The following CCNY variants were observed in gnomAD, a reference collection of about 807,000 sequenced individuals.
The protein encoded by CCNY is cyclin Y.
CCNY carries 19 observed loss-of-function variants against 42.8 expected under a neutral mutation model. The observed-to-expected ratio is 0.44, with a 90% CI of 0.31 to 0.65. The LOEUF (loss-of-function observed/expected upper bound fraction) is 0.65. CCNY is among the 30% of genes least tolerant of loss of function. The probability of loss-of-function intolerance (pLI) is 0.07; values close to 1 mark genes in which losing one functional copy is unlikely to be tolerated. For missense variants in CCNY, 370 were observed against 437.3 expected (o/e 0.85, Z 1.37); for synonymous variants, 165 against 162.7 (o/e 1.01, Z -0.11).
At chr10:35,413,901 G>A (rs759302407) in intron 1 of CCNY, among the ~76,000 whole-genome samples, 1 of 152,138 alleles carries the variant, frequency 6.6e-6, no homozygotes. Context: ...GACATGCATC[G>A]GGCACGTCGC....
At chr10:35,302,979 T>C (rs1421589267) in intron 3 of CCNY, among the ~76,000 whole-genome samples, 1 of 152,136 alleles carries the variant, frequency 6.6e-6, no homozygotes, top group Non-Finnish European at 1.5e-5. Context: ...GAAGATTGCT[T>C]GAGGTCAGGA....
At chr10:35,335,502 G>C (rs753422842), upstream of CCNY, among the ~76,000 whole-genome samples, 19 of 151,908 alleles carry the variant, frequency 1.3e-4, no homozygotes, top group African/African-American at 4.4e-4. Flanking sequence ...TCAAGTCCTC[G>C]GCAAAGCTCA....
intron 1 of CCNY, among the ~76,000 whole-genome samples, chr10:35,482,487 T>A (rs1354257777): frequency 6.6e-6 from 1 of 152,230 alleles, no homozygotes; most frequent in Non-Finnish European, 1.5e-5. Context: ...TGTGATGGCA[T>A]TCTAAGTTGT....
intron 7 of CCNY, among the ~76,000 whole-genome samples, chr10:35,543,375 C>T (rs1841044795): frequency 6.6e-6 from 1 of 152,174 alleles, no homozygotes. Context: ...CAGTTGATCC[C>T]CCAGCAATGA....
intron 1 of CCNY, among the ~76,000 whole-genome samples, chr10:35,430,947 T>C (rs1178693286): frequency 6.6e-6 from 1 of 151,868 alleles, no homozygotes; most frequent in Non-Finnish European, 1.5e-5. Flanking sequence ...TGAAACCCCA[T>C]CTCTACTAAA....
At chr10:35,406,303 A>C (rs926155487) in intron 1 of CCNY, among the ~76,000 whole-genome samples, 2 of 149,940 alleles carry the variant, frequency 1.3e-5, no homozygotes, top group African/African-American at 4.9e-5. Context: ...GTCACAGGAC[A>C]ATAGTGGAGG....
chr10:35,309,173 T>C (rs1444915247), intron 3 of CCNY, among the ~76,000 whole-genome samples: 1 of 151,614 alleles, frequency 6.6e-6, no homozygotes, highest in Non-Finnish European at 1.5e-5. Context: ...ACGGCTAAAG[T>C]AAGGAAAAGT....
intron 1 of CCNY, among the ~76,000 whole-genome samples, chr10:35,247,376 T>A (rs1031235043): frequency 2.0e-5 from 3 of 150,826 alleles, no homozygotes; most frequent in African/African-American, 7.3e-5. Context: ...GGAGAATCAC[T>A]GGAGCCCAGC....
At chr10:35,378,720 G>A (rs763736151) in intron 1 of CCNY, among the ~76,000 whole-genome samples, 5 of 152,092 alleles carry the variant, frequency 3.3e-5, no homozygotes, top group African/African-American at 1.2e-4. Context: ...ATCCTGCCCC[G>A]TTCGATCCTT....
intron 7 of CCNY, among the ~76,000 whole-genome samples, chr10:35,536,686 G>T (rs1437284811): frequency 1.3e-5 from 2 of 152,178 alleles, no homozygotes; most frequent in Non-Finnish European, 2.9e-5. Context: ...GTGGCATTTT[G>T]TCCCTGCAGT....
intron 1 of CCNY, among the ~76,000 whole-genome samples, chr10:35,395,291 G>A (rs1837499488): frequency 6.6e-6 from 1 of 152,204 alleles, no homozygotes; most frequent in African/African-American, 2.4e-5. Flanking sequence ...AGTAGTTAAG[G>A]TGGTGAAAAC....
At chr10:35,473,885 CG>C (rs1839443344) in intron 1 of CCNY, among the ~76,000 whole-genome samples, 2 of 152,114 alleles carry the variant, frequency 1.3e-5, no homozygotes, top group Admixed American at 6.5e-5. Context: ...TCTGAGGTAC[CG>C]GGTTCATCTC....
intron 1 of CCNY, among the ~76,000 whole-genome samples, chr10:35,398,312 T>C (rs1370932053): frequency 6.6e-6 from 1 of 152,194 alleles, no homozygotes; most frequent in Admixed American, 6.5e-5. Flanking sequence ...GGAAGTGGCT[T>C]AAAAGCCAGC....
chr10:35,343,908 T>G (rs1387642082), intron 1 of CCNY, among the ~76,000 whole-genome samples: 1 of 152,234 alleles, frequency 6.6e-6, no homozygotes, highest in Non-Finnish European at 1.5e-5. Context: ...AGAGGGCTAT[T>G]GACAGTATCA....
intron 1 of CCNY, among the ~76,000 whole-genome samples, chr10:35,434,937 T>C (rs1226879544): frequency 6.6e-6 from 1 of 152,210 alleles, no homozygotes; most frequent in East Asian, 1.9e-4. Flanking sequence ...TCGACTCCTT[T>C]TTACTTTGAG....
intron 3 of CCNY, among the ~76,000 whole-genome samples, chr10:35,311,712 G>T (rs1158183788): frequency 7.0e-6 from 1 of 142,372 alleles, no homozygotes; most frequent in Non-Finnish European, 1.5e-5. Flanking sequence ...TTGGCTGAGT[G>T]TGGTGGCTCA....
At chr10:35,302,549 G>A (rs545899859) in intron 3 of CCNY, among the ~76,000 whole-genome samples, 20 of 152,094 alleles carry the variant, frequency 1.3e-4, no homozygotes, top group Admixed American at 1.0e-3. Flanking sequence ...GACCTCAGGC[G>A]ATCCACTTGC....
At chr10:35,341,031 G>A (rs1352879806) in intron 1 of CCNY, among the ~76,000 whole-genome samples, 1 of 152,068 alleles carries the variant, frequency 6.6e-6, no homozygotes, top group Non-Finnish European at 1.5e-5. Flanking sequence ...GTCTGTTCTC[G>A]ACACAACAGC....
At chr10:35,377,471 C>T (rs1033222477) in intron 1 of CCNY, among the ~76,000 whole-genome samples, 7 of 152,180 alleles carry the variant, frequency 4.6e-5, no homozygotes, top group Non-Finnish European at 1.0e-4. Context: ...ACCGGCTGTC[C>T]TATATAACCA....
Sources: gnomAD v4.1 joint callset for allele counts (sites outside exome capture counted in the v4.1 genomes callset) on GRCh38, gnomAD v4.1.1 for gene constraint, MANE v1.5 for transcripts, NCBI Gene and HGNC (gene_info 2026-07-23, HGNC 2026-07-21) for gene names.